The following SMCHD1 variants were observed in gnomAD, a reference collection of about 807,000 sequenced individuals.
SMCHD1 encodes structural maintenance of chromosomes flexible hinge domain containing 1.
Under a neutral mutation model 254.7 loss-of-function variants are expected in SMCHD1, and 78 were observed. The ratio of observed to expected loss-of-function variants is 0.31; its 90% CI spans 0.26 to 0.37. The LOEUF is 0.37. Among genes scored for constraint, SMCHD1 ranks in the 10% least tolerant of loss-of-function variants. SMCHD1 has a pLI of 1.00. For missense variants in SMCHD1, 1,840 were observed against 2,408.1 expected, an observed-to-expected ratio of 0.76 and a Z score of 4.94; for synonymous variants, 766 against 794.9, an observed-to-expected ratio of 0.96 and a Z score of 0.61.
chr18:2,719,380 C>T (rs1040127581), intron 19 of SMCHD1, among the ~76,000 whole-genome samples: 3 of 151,752 alleles, frequency 2.0e-5, no homozygotes, highest in African/African-American at 7.3e-5. Context: ...GCTGCAACCT[C>T]TGCCTCCCAG....
chr18:2,742,555 C>T (rs1429222610), intron 28 of SMCHD1, among the ~76,000 whole-genome samples: 1 of 152,136 alleles, frequency 6.6e-6, no homozygotes, highest in African/African-American at 2.4e-5. Context: ...TTCTTCTGTG[C>T]TTATTGGGCT....
At position 2,705,739 on chromosome 18, in the gene SMCHD1, A is replaced by C. The variant is rs1316831894; in HGVS notation, c.1888A>C (p.Arg630=). The C allele has an allele frequency of 1.2e-6, 2 of 1,609,532 alleles. No individual in the cohort carries two copies. Among genetic ancestry groups the C allele is most frequent in the Admixed American group, 1.7e-5 (1 of 59,830 alleles). The change falls in exon 14 of 48, where the codon AGA becomes CGA. Residue 630 remains arginine, a synonymous_variant. Coordinates refer to ENST00000320876, the MANE Select transcript of SMCHD1 (RefSeq NM_015295.3). ...TCCCCTCTTTTATGGAAGCATAGTAAGATTTTTTCTTTATGGCGATCATGA... is the reference window on the plus strand; with the variant it reads ...TCCCCTCTTTTATGGAAGCATAGTACGATTTTTTCTTTATGGCGATCATGA... ...TLPLFYGSIV[R]FFLYGDHDGE...
intron 45 of SMCHD1, among the ~76,000 whole-genome samples, chr18:2,795,714 C>A (rs2076251381): frequency 6.6e-6 from 1 of 152,174 alleles, no homozygotes; most frequent in Admixed American, 6.5e-5. Context: ...GAGAACTCTT[C>A]CCTGACACAG....
intron 45 of SMCHD1, among the ~76,000 whole-genome samples, chr18:2,785,699 A>G (rs754134095): frequency 6.7e-6 from 1 of 148,268 alleles, no homozygotes; most frequent in Non-Finnish European, 1.5e-5. Flanking sequence ...GTGCATTCAC[A>G]TTGTTGTTCA....
chr18:2,729,637 C>G (rs961296113), intron 24 of SMCHD1, among the ~76,000 whole-genome samples: 43 of 151,046 alleles, frequency 2.8e-4, no homozygotes, highest in Non-Finnish European at 2.7e-4. Context: ...TTTATAGTGT[C>G]TATAACTATT....
chr18:2,679,480 C>CAAAAAAA (rs59034633), intron 5 of SMCHD1, among the ~76,000 whole-genome samples: 17,550 of 57,904 alleles, frequency 0.3, 3,354 homozygotes, highest in South Asian at 0.48. Flanking sequence ...ACTCCATCTC[C>CAAAAAAA]AAAAAAAAAA....
Position 2,656,260 on chromosome 18 carries a change from A to T in SMCHD1, c.185A>T (p.Gln62Leu). 6.7e-7 allele frequency: 1 copy of T among 1,488,702 alleles called. No individual in the cohort carries two copies. The highest frequency in any genetic ancestry group is 8.9e-7 in the Non-Finnish European group (1 of 1,129,622). 92.2% of individuals were successfully genotyped at this position (1,488,702 alleles called of 1,614,324 possible). The change falls in exon 1 of 48, where the codon CAG (glutamine) becomes CTG (leucine). Residue 62 changes from glutamine to leucine, a missense_variant and splice_region_variant. Physicochemically the swap from Gln to Leu is moderately radical, Grantham distance 113 (BLOSUM62 -2). Coordinates refer to ENST00000320876, the MANE Select transcript of SMCHD1 (RefSeq NM_015295.3). ...DYAGFRACVCQTLGISPEEKF... is the reference protein window; with the variant it reads ...DYAGFRACVCLTLGISPEEKF... ...GCGGGATTTCGCGCGTGTGTGTGTCAGGTACGCGAAGGGGCGAGGAAGGGA... is the reference window on the plus strand; with the variant it reads ...GCGGGATTTCGCGCGTGTGTGTGTCTGGTACGCGAAGGGGCGAGGAAGGGA...
intron 1 of SMCHD1, among the ~76,000 whole-genome samples, chr18:2,661,927 C>T (rs1001829494): frequency 3.0e-4 from 45 of 150,630 alleles, no homozygotes; most frequent in Non-Finnish European, 5.6e-4. Context: ...GAGGCCGAGG[C>T]GGGTGGATCA....
rs373270878 is a variant in SMCHD1 at position 2,707,763 on chromosome 18, A to G, written c.2147-44A>G. The G allele has an allele frequency of 6.2e-5, 96 of 1,544,706 alleles. No homozygotes were observed. The African/African-American group carries it at 7.6e-4, about 12-fold the overall frequency. On this transcript the variant is annotated intron_variant, in intron 16 of 47. Transcript: ENST00000320876. ...ATGGGAAGATTTGGCAGATTCAGCA[A>G]ATTTTTGGGTGTAATTAAGATACTT...
chr18:2,671,487 T>A (rs1438055708), intron 3 of SMCHD1, among the ~76,000 whole-genome samples: 1 of 151,394 alleles, frequency 6.6e-6, no homozygotes, highest in African/African-American at 2.5e-5. Flanking sequence ...CCTTGATTTC[T>A]GTGACTTTAC....
rs543581595 is a variant in SMCHD1 at position 2,673,227 on chromosome 18, A to C, written c.425-54A>C. 109 of 1,497,708 alleles carry C rather than the reference A, an allele frequency of 7.3e-5. 1 individual carries two copies. In the Middle Eastern group the frequency reaches 1.1e-3, roughly 15 times the overall value. The allele number at this position is 1,497,708 out of a possible 1,614,324, so 92.8% of individuals were successfully genotyped here. ...ATAGTTTCTTCTTCTTTGAACTTTT[A>C]TATAAAGTATGTGGGAGGGAAAAGT... On this transcript the variant is annotated intron_variant, in intron 3 of 47. Coordinates refer to ENST00000320876, the MANE Select transcript of SMCHD1 (RefSeq NM_015295.3).
chr18:2,795,970 C>T lies in SMCHD1; in HGVS notation c.5741C>T (p.Ser1914Phe). The T allele has an allele frequency of 1.3e-6, 2 of 1,594,776 alleles. No individual in the cohort carries two copies. Among genetic ancestry groups the T allele is most frequent in the South Asian group, 1.1e-5 (1 of 87,636 alleles). Reference protein sequence around the residue: ...EQIDLLQQYRSAVCKLDSVNK... With the variant: ...EQIDLLQQYRFAVCKLDSVNK... ...ACAGATCTTCTTCAGCAGTATCGTT[C>T]TGCTGTGTGCAAACTAGACAGTGTG... is the stretch of plus-strand genomic sequence containing the variant. The change falls in exon 46 of 48, where the codon TCT becomes TTT. Residue 1914 changes from serine (S) to phenylalanine (F), a missense_variant. Transcript: ENST00000320876.
Position 2,718,899 on chromosome 18 carries a change from TC to T in SMCHD1, c.2458+467del, listed in dbSNP as rs149002832. ...TTGTAAGTCTACTCGATAATCATAT[TC>T]CTTCTGAATTTTGAAGACATTGTTT... is the stretch of plus-strand genomic sequence containing the variant. On this transcript the variant is annotated intron_variant, in intron 19 of 47. Coordinates refer to ENST00000320876, the MANE Select transcript of SMCHD1 (RefSeq NM_015295.3). The surrounding 1 kb of genome is among the most constrained non-coding windows in gnomAD (Gnocchi z 4.6). 0.018 allele frequency among the ~76,000 whole-genome samples: 2,728 copies of T among 152,240 alleles called. 40 individuals carry two copies. Among genetic ancestry groups the T allele is most frequent in the Middle Eastern group, 0.1 (30 of 294 alleles).
intron 15 of SMCHD1, 21 bp downstream of exon 15, chr18:2,706,491 C>G (rs2074516988): frequency 6.7e-7 from 1 of 1,503,344 alleles, no homozygotes; most frequent in African/African-American, 1.4e-5. Flanking sequence ...CTTCAAGATG[C>G]ATGACAAAAA....
In SMCHD1 at chr18:2,697,706, A is replaced by G. The variant is rs570614909; in HGVS notation, c.1132-125A>G. 10 of 659,602 alleles carry G rather than the reference A, an allele frequency of 1.5e-5. No homozygotes were observed. In the East Asian group the frequency reaches 2.2e-4, roughly 14 times the overall value. The allele number at this position is 659,602 out of a possible 1,614,324, so 40.9% of individuals were successfully genotyped here. A position where few individuals can be genotyped will look rare whatever the true frequency, so the allele number is the denominator to read the frequency against. ...ACTCATATGTAAATATATGTATTTCATTAAGCCAGATTGTTACTTGTACAA... is the reference window on the plus strand; with the variant it reads ...ACTCATATGTAAATATATGTATTTCGTTAAGCCAGATTGTTACTTGTACAA... On this transcript the variant is annotated intron_variant, in intron 9 of 47. Coordinates refer to ENST00000320876, the MANE Select transcript of SMCHD1 (RefSeq NM_015295.3).
chr18:2,662,667 C>CAAAAAAAAAAAAAAAAAAAAAACA (rs2073322253), intron 1 of SMCHD1, among the ~76,000 whole-genome samples: 5 of 35,674 alleles, frequency 1.4e-4, no homozygotes, highest in Admixed American at 3.3e-4. Context: ...AACAAAAAAC[C>CAAAAAAAAAAAAAAAAAAAAAACA]AAAAAAAAAA....
chr18:2,763,770 A>G lies in SMCHD1; in HGVS notation c.4700A>G (p.Asn1567Ser), dbSNP rs750920961. The G allele has an allele frequency of 1.2e-5, 20 of 1,609,242 alleles. No individual in the cohort carries two copies. Among genetic ancestry groups the G allele is most frequent in the Middle Eastern group, 1.7e-4 (1 of 6,048 alleles). ...KVRTLEFPFV[N>S]GSAEIMSLVL... ...AGAACACTTGAATTCCCCTTCGTGA[A>G]TGGTTCGGCTGAAATCATGGTAAAT... Residue 1567 changes from asparagine to serine, a missense_variant, in exon 37 of 48, where the codon AAT (asparagine) becomes AGT (serine). Around this residue, in one of 9 missense-constraint regions of SMCHD1, gnomAD observed 881 missense variants for 1,009.5 expected, o/e 0.87. Transcript: ENST00000320876.
chr18:2,796,002 G>A lies in SMCHD1; in HGVS notation c.5773G>A (p.Asp1925Asn), dbSNP rs1242085146. 3.1e-6 allele frequency: 5 copies of A among 1,597,870 alleles called. No individual in the cohort carries two copies. The highest frequency in any genetic ancestry group is 4.3e-6 in the Non-Finnish European group (5 of 1,171,916). Reference sequence around the variant, plus strand: ...GTGCAAACTAGACAGTGTGAATAAGGATCTTAACAGTCAATTAGAGTACCT... The same window carrying A: ...GTGCAAACTAGACAGTGTGAATAAGAATCTTAACAGTCAATTAGAGTACCT... ...AVCKLDSVNKDLNSQLEYLRT... is the reference protein window; with the variant it reads ...AVCKLDSVNKNLNSQLEYLRT... The change falls in exon 46 of 48, where the codon GAT becomes AAT. Residue 1925 changes from aspartate to asparagine, a missense_variant. Physicochemically the swap from Asp to Asn is conservative, Grantham distance 23. Transcript: ENST00000320876.
chr18:2,781,658 TAAG>T lies in SMCHD1; in HGVS notation c.5548-2789_5548-2787del, dbSNP rs746028677. On this transcript the variant is annotated intron_variant, in intron 44 of 47. Transcript: ENST00000320876. ...GTTCAAAAAATGAAAGTGTTGAAAA[TAAG>T]AAAAGAATAAGTCAACTTGAAAAAA... Among the ~76,000 whole-genome samples, 27 of 151,878 alleles carry T rather than the reference TAAG, an allele frequency of 1.8e-4. 1 individual carries two copies. The highest frequency in any genetic ancestry group is 3.2e-4 in the Non-Finnish European group (22 of 67,942).
Sources: allele counts gnomAD v4.1 joint callset (sites outside exome capture counted in the v4.1 genomes callset), GRCh38; gene constraint gnomAD v4.1.1; regional missense constraint gnomAD v4.1.1; non-coding constraint Gnocchi (gnomAD v3.1); transcripts MANE v1.5; gene names NCBI Gene and HGNC (gene_info 2026-07-23, HGNC 2026-07-21).